EFHC1: variants seen among roughly 807,000 people sequenced by gnomAD.
The protein encoded by EFHC1 is EF-hand domain-containing protein 1.
In EFHC1, 53 loss-of-function variants were observed where a neutral mutation model predicts 69.9. The observed-to-expected ratio is 0.76, with a 90% CI of 0.61 to 0.95. The LOEUF (loss-of-function observed/expected upper bound fraction) is 0.95, where lower values mean the gene tolerates loss of function less well. EFHC1 is among the 40% of genes least tolerant of loss of function. The pLI, the probability that EFHC1 is intolerant of heterozygous loss-of-function variation, is 0.00. For synonymous variants in EFHC1, 256 were observed against 278.4 expected (o/e 0.92, Z 0.80); for missense variants, 739 against 798.7 (o/e 0.93, Z 0.90).
rs778868096 is a variant in EFHC1, at chr6:52,471,907, TAAAA to T, written c.1278+2441_1278+2444del. ...TAAATAAATAACTAAATAATAAAAT[TAAAA>T]AAAAAATTTTTAAAAACCTTTGTTT... On this transcript the variant is annotated intron_variant, in intron 7 of 10. Transcript: ENST00000371068. Among the ~76,000 whole-genome samples, 8 of 149,038 alleles carry T rather than the reference TAAAA, an allele frequency of 5.4e-5. No homozygotes were observed. The South Asian group carries it at 8.4e-4, about 16-fold the overall frequency.
At chr6:52,477,276 T>A (rs1201972995) in intron 7 of EFHC1, among the ~76,000 whole-genome samples, 3 of 152,182 alleles carry the variant, frequency 2.0e-5, no homozygotes, top group African/African-American at 7.2e-5. Context: ...CCAAATGATT[T>A]GGAGACTATT....
At chr6:52,420,504 T>A (rs1562440822) in intron 1 of EFHC1, 31 bp downstream of exon 1, 1 of 1,613,840 alleles carries the variant, frequency 6.2e-7, no homozygotes, top group South Asian at 1.1e-5. Flanking sequence ...CTCCCACCTG[T>A]CCCCACCTTC....
intron 9 of EFHC1, chr6:52,482,089 TC>T (rs35098035): frequency 6.6e-6 from 1 of 152,126 alleles, no homozygotes. Flanking sequence ...ATGCCTGTAA[TC>T]CCAGCACTTT....
At chr6:52,468,444 T>C (rs1765358622) in intron 6 of EFHC1, 1 of 152,044 alleles carries the variant, frequency 6.6e-6, no homozygotes, top group African/African-American at 2.4e-5. Context: ...GGGAAGTGAG[T>C]ATATTCAGGA....
chr6:52,434,143 C>T (rs1764476171), intron 2 of EFHC1, among the ~76,000 whole-genome samples: 1 of 152,180 alleles, frequency 6.6e-6, no homozygotes, highest in Non-Finnish European at 1.5e-5. Flanking sequence ...TCCTTCTTCC[C>T]CCACCTGTGG....
At chr6:52,449,880 A>G (rs1238612879) in intron 3 of EFHC1, among the ~76,000 whole-genome samples, 1 of 152,096 alleles carries the variant, frequency 6.6e-6, no homozygotes, top group Non-Finnish European at 1.5e-5. Flanking sequence ...TTGCTTCTGT[A>G]GTTCTTTCAG....
In EFHC1 at chr6:52,452,824, C is replaced by T. The variant is rs765821468; in HGVS notation, c.710C>T (p.Thr237Ile). Reference sequence around the variant, plus strand: ...TTTGATCAACTCAAGCAATTTCTCACCTTTGACAAACAGGTAAGTGACATA... The same window carrying T: ...TTTGATCAACTCAAGCAATTTCTCATCTTTGACAAACAGGTAAGTGACATA... ...SDFDQLKQFL[T>I]FDKQVLRFYA... The change falls in exon 4 of 11, where the codon ACC becomes ATC. Residue 237 changes from threonine (T) to isoleucine (I), a missense_variant. By Grantham distance (89) the Thr-to-Ile change is moderately conservative. Coordinates refer to ENST00000371068, the MANE Select transcript of EFHC1 (RefSeq NM_018100.4). 2 of 1,614,158 alleles carry T rather than the reference C, an allele frequency of 1.2e-6. No homozygotes were observed. The highest frequency in any genetic ancestry group is 2.2e-5 in the South Asian group (2 of 91,084).
chr6:52,422,472 G>A (rs1222965729), intron 1 of EFHC1, among the ~76,000 whole-genome samples: 2 of 152,024 alleles, frequency 1.3e-5, no homozygotes, highest in African/African-American at 4.8e-5. Context: ...GTTTTTATGG[G>A]TTATATACAG....
At chr6:52,463,089 C>T (rs972775777) in intron 5 of EFHC1, among the ~76,000 whole-genome samples, 6 of 151,408 alleles carry the variant, frequency 4.0e-5, no homozygotes, top group Non-Finnish European at 8.8e-5. Context: ...GTGCAGTGGC[C>T]TGATCTCGGC....
rs60720755 is a variant in EFHC1 at position 52,493,386 on chromosome 6, T to TATATATATATATATATATATA, written c.*1045_*1046insATATATATATATATATATATA. 6.7e-3 allele frequency: 813 copies of TATATATATATATATATATATA among 120,910 alleles called. 45 individuals carry two copies. Among genetic ancestry groups the TATATATATATATATATATATA allele is most frequent in the African/African-American group, 0.025 (576 of 22,890 alleles). 7.5% of individuals were successfully genotyped at this position (120,910 alleles called of 1,614,324 possible). A position where few individuals can be genotyped will look rare whatever the true frequency, so the allele number is the denominator to read the frequency against. ...TCTACATATATATATATATATATAT[T>TATATATATATATATATATATA]TTATATGTACACATTCATACACACA... On this transcript the variant is annotated 3_prime_UTR_variant, in exon 11 of 11. Transcript: ENST00000371068.
chr6:52,470,268 TA>T (rs1389491718), intron 7 of EFHC1, among the ~76,000 whole-genome samples: 2 of 152,150 alleles, frequency 1.3e-5, no homozygotes, highest in Non-Finnish European at 2.9e-5. Context: ...GAGTTCTGGC[TA>T]AAAACAAAAT....
At position 52,492,446 on chromosome 6, in the gene EFHC1, T is replaced by G; in HGVS notation, c.*105T>G. ...ATTTACAGGGTTCCTGAAGTTTTATTTCTGTTTTGGTTCTTCTTTCACTCC... is the reference window on the plus strand; with the variant it reads ...ATTTACAGGGTTCCTGAAGTTTTATGTCTGTTTTGGTTCTTCTTTCACTCC... On this transcript the variant is annotated 3_prime_UTR_variant, in exon 11 of 11. Coordinates refer to ENST00000371068, the MANE Select transcript of EFHC1 (RefSeq NM_018100.4). 1 of 1,221,720 alleles carries G rather than the reference T, an allele frequency of 8.2e-7. No homozygotes were observed. The highest frequency in any genetic ancestry group is 1.2e-6 in the Non-Finnish European group (1 of 848,934). 75.7% of individuals were successfully genotyped at this position (1,221,720 alleles called of 1,614,324 possible).
Position 52,464,937 on chromosome 6 carries a change from T to C in EFHC1, c.959T>C (p.Val320Ala). 1 of 1,614,118 alleles carries C rather than the reference T, an allele frequency of 6.2e-7. No individual in the cohort carries two copies. Among genetic ancestry groups the C allele is most frequent in the Non-Finnish European group, 8.5e-7 (1 of 1,180,006 alleles). Reference sequence around the variant, plus strand: ...GTGCTAGAAATCTCTGACCAAGAAGTGTTGGAATGGTATACTGCTAAAGAC... The same window carrying C: ...GTGCTAGAAATCTCTGACCAAGAAGCGTTGGAATGGTATACTGCTAAAGAC... Reference protein sequence around the residue: ...QCVLEISDQEVLEWYTAKDFI... With the variant: ...QCVLEISDQEALEWYTAKDFI... Residue 320 changes from valine to alanine, a missense_variant, in exon 6 of 11, where the codon GTG becomes GCG. Coordinates refer to ENST00000371068, the MANE Select transcript of EFHC1 (RefSeq NM_018100.4).
At chr6:52,431,569 T>C (rs1764414828) in intron 2 of EFHC1, among the ~76,000 whole-genome samples, 2 of 152,210 alleles carry the variant, frequency 1.3e-5, no homozygotes. Flanking sequence ...GAGAGAGTGC[T>C]TGATATAATT....
intron 1 of EFHC1, chr6:52,420,904 C>A: frequency 1.5e-6 from 1 of 681,712 alleles, no homozygotes; most frequent in Non-Finnish European, 2.0e-6. Flanking sequence ...CATCGCCGCC[C>A]TTAAAACCCC....
In EFHC1 at chr6:52,438,616, G is replaced by T. The variant is rs200858257; in HGVS notation, c.573+25G>T. 9.6e-5 allele frequency: 155 copies of T among 1,612,750 alleles called. 2 individuals are homozygous for T. The highest frequency in any genetic ancestry group is 6.6e-4 in the Middle Eastern group (4 of 6,078). ...GGTATAGCATATATTTTTGAAAGTT[G>T]TGGGGTCTGAGGCATCATTCTAATT... On this transcript the variant is annotated intron_variant, in intron 3 of 10. Transcript: ENST00000371068.
chr6:52,452,665 A>G, intron 3 of EFHC1, 23 bp from the exon 4 acceptor site: 2 of 1,613,214 alleles, frequency 1.2e-6, no homozygotes, highest in East Asian at 4.5e-5. Flanking sequence ...AAAGATGATC[A>G]TTGTTAACTT....
At chr6:52,429,636 A>G (rs989113515) in intron 2 of EFHC1, among the ~76,000 whole-genome samples, 2 of 152,082 alleles carry the variant, frequency 1.3e-5, no homozygotes, top group Admixed American at 6.6e-5. Context: ...TGATGCCTCC[A>G]GGTTTATTCT....
At chr6:52,474,935 G>A (rs1765514182) in intron 7 of EFHC1, among the ~76,000 whole-genome samples, 1 of 152,012 alleles carries the variant, frequency 6.6e-6, no homozygotes, top group Non-Finnish European at 1.5e-5. Context: ...CAACCTGGAT[G>A]GTGGTTATAT....
Sources: allele counts gnomAD v4.1 joint callset (sites outside exome capture counted in the v4.1 genomes callset), GRCh38; gene constraint gnomAD v4.1.1; transcripts MANE v1.5; gene names NCBI Gene and HGNC (gene_info 2026-07-23, HGNC 2026-07-21).